Variants in PHACTR2 observed in about 807,000 individuals in gnomAD.
PHACTR2 encodes chromosome 6 open reading frame 56.
Under a neutral mutation model 76.0 loss-of-function variants are expected in PHACTR2, and 30 were observed. That is an observed-to-expected ratio of 0.39 (90% CI 0.30 to 0.54). The LOEUF (loss-of-function observed/expected upper bound fraction) is 0.54, where lower values mean the gene tolerates loss of function less well. Among genes scored for constraint, PHACTR2 ranks in the 20% least tolerant of loss-of-function variants. The pLI is 0.61. For missense variants in PHACTR2, 696 were observed against 781.1 expected, an observed-to-expected ratio of 0.89 and a Z score of 1.30; for synonymous variants, 292 against 292.5, an observed-to-expected ratio of 1.00 and a Z score of 0.02.
intron 2 of PHACTR2, among the ~76,000 whole-genome samples, chr6:143,728,065 T>C (rs368325493): frequency 1.3e-5 from 2 of 152,166 alleles, no homozygotes; most frequent in African/African-American, 4.8e-5. Context: ...TGATTTTATA[T>C]CTAGAAACTC....
At chr6:143,725,668 C>G (rs887052006) in intron 2 of PHACTR2, among the ~76,000 whole-genome samples, 1 of 151,590 alleles carries the variant, frequency 6.6e-6, no homozygotes, top group East Asian at 2.0e-4. Context: ...AACCCCGTCT[C>G]TACGAAAAAT....
At position 143,659,914 on chromosome 6, in the gene PHACTR2, G is replaced by A. The variant is rs948134172; in HGVS notation, c.13+51592G>A. ...ATTTTTAAACAAAAGACAAAGGCCA[G>A]TAACATTAAAAGAGAAGTTGAACAG... On this transcript the variant is annotated intron_variant, in intron 1 of 11. Transcript: ENST00000305766. The surrounding 1 kb of genome is among the most constrained non-coding windows in gnomAD (Gnocchi z 5.0). Among the ~76,000 whole-genome samples the A allele has an allele frequency of 2.6e-5, 4 of 152,130 alleles. No individual in the cohort carries two copies. Among genetic ancestry groups the A allele is most frequent in the African/African-American group, 9.7e-5 (4 of 41,418 alleles).
At position 143,709,844 on chromosome 6, in the gene PHACTR2, G is replaced by A. The variant is rs148896064; in HGVS notation, c.47-2172G>A. On this transcript the variant is annotated intron_variant, in intron 1 of 12. Coordinates refer to ENST00000440869, the MANE Select transcript of PHACTR2 (RefSeq NM_001100164.2). This position sits in a 1 kb window ranked among gnomAD's most constrained non-coding sequence, Gnocchi z 4.4. ...ATTGCTGGGTAGGGCTGGATGTCAC[G>A]GCTTCCTACATGGTCTCCACTGACA... Among the ~76,000 whole-genome samples, 355 of 152,182 alleles carry A rather than the reference G, an allele frequency of 2.3e-3. 2 individuals are homozygous for A. The highest frequency in any genetic ancestry group is 7.8e-3 in the African/African-American group (323 of 41,510).
At position 143,620,191 on chromosome 6, in the gene PHACTR2, T is replaced by C. The variant is rs180923191; in HGVS notation, c.13+11869T>C. ...CATACATTTAGAATAAAGCTCCAGC[T>C]TTAACTTCTAAATATCCTGGCTTAT... On this transcript the variant is annotated intron_variant, in intron 1 of 11. Coordinates refer to the PHACTR2 transcript ENST00000305766. Among the ~76,000 whole-genome samples, 1,009 of 151,932 alleles carry C rather than the reference T, an allele frequency of 6.6e-3. 13 individuals carry two copies. Among genetic ancestry groups the C allele is most frequent in the African/African-American group, 0.02 (851 of 41,528 alleles).
chr6:143,769,966 A>C (rs551018193), intron 6 of PHACTR2, among the ~76,000 whole-genome samples: 24 of 152,322 alleles, frequency 1.6e-4, no homozygotes, highest in Non-Finnish European at 3.1e-4. Flanking sequence ...AAAATTAAAC[A>C]TAGAATTACC....
chr6:143,766,830 G>T (rs537019046), intron 6 of PHACTR2, among the ~76,000 whole-genome samples: 128 of 152,278 alleles, frequency 8.4e-4, no homozygotes, highest in African/African-American at 3.0e-3. Context: ...TATTAGCCCT[G>T]TCTCACGAGT....
upstream of PHACTR2, among the ~76,000 whole-genome samples, chr6:143,604,463 A>G (rs1468419755): frequency 6.6e-6 from 1 of 152,156 alleles, no homozygotes; most frequent in Non-Finnish European, 1.5e-5. Context: ...CATAGAATCC[A>G]TCTGAACTGG....
At chr6:143,785,153 C>T (rs1775524998) in intron 10 of PHACTR2, among the ~76,000 whole-genome samples, 1 of 152,134 alleles carries the variant, frequency 6.6e-6, no homozygotes, top group South Asian at 2.1e-4. Context: ...CACCCATGAG[C>T]CTGTAAAATC....
chr6:143,648,376 A>T lies in PHACTR2; in HGVS notation c.13+40054A>T, dbSNP rs926477192. 6.6e-6 allele frequency among the ~76,000 whole-genome samples: 1 copy of T among 152,188 alleles called. No individual in the cohort carries two copies. Among genetic ancestry groups the T allele is most frequent in the African/African-American group, 2.4e-5 (1 of 41,434 alleles). On this transcript the variant is annotated intron_variant, in intron 1 of 11. Transcript: ENST00000305766. This position sits in a 1 kb window ranked among gnomAD's most constrained non-coding sequence, Gnocchi z 6.7. ...AAGCGTTCATCATAGTTCTAAATAG[A>T]TTCCTCAAAAGAATTAAATTCAAAG...
intron 12 of PHACTR2, among the ~76,000 whole-genome samples, chr6:143,814,901 CCATATAAGTATTTTTTAAAGCAAT>C: frequency 6.6e-6 from 1 of 152,006 alleles, no homozygotes; most frequent in African/African-American, 2.4e-5. Context: ...CGCCGCCGGC[CCATATAAGTATTTTTTAAAGCAAT>C]GATCTCATTC....
At position 143,821,133 on chromosome 6, in the gene PHACTR2, T is replaced by A. The variant is rs558503781; in HGVS notation, c.1923-2541T>A. 2.0e-5 allele frequency among the ~76,000 whole-genome samples: 3 copies of A among 152,358 alleles called. 1 individual carries two copies. Among genetic ancestry groups the A allele is most frequent in the African/African-American group, 7.2e-5 (3 of 41,590 alleles). ...GAAAAAGTGAAAGAGTGATGTTGCC[T>A]CTGTGTATCAAATGCAGGCATGGCG... is the stretch of plus-strand genomic sequence containing the variant. On this transcript the variant is annotated intron_variant, in intron 12 of 12. Coordinates refer to ENST00000440869, the MANE Select transcript of PHACTR2 (RefSeq NM_001100164.2). The surrounding 1 kb of genome is among the most constrained non-coding windows in gnomAD (Gnocchi z 5.2).
intron 1 of PHACTR2, among the ~76,000 whole-genome samples, chr6:143,576,245 A>AGAGATGCT (rs1326269677): frequency 2.0e-5 from 3 of 152,220 alleles, no homozygotes; most frequent in African/African-American, 7.2e-5. Flanking sequence ...ACAAACTGGA[A>AGAGATGCT]GAGATGCTGC....
rs1214309367 is a variant in PHACTR2, at chr6:143,768,854, A to G, written c.1232+3056A>G. On this transcript the variant is annotated intron_variant, in intron 6 of 12. Transcript: ENST00000440869. ...GCCATAGGGATTTTCTTCTCTGTAT[A>G]TTCTTCAAAATTTAAATTTCAGTTC... is the stretch of plus-strand genomic sequence containing the variant. 8.5e-5 allele frequency among the ~76,000 whole-genome samples: 13 copies of G among 152,308 alleles called. 1 individual carries two copies. The South Asian group carries it at 2.3e-3, about 27-fold the overall frequency.
rs1301706429 is a variant in PHACTR2 at position 143,765,831 on chromosome 6, G to A, written c.1232+33G>A. 6.5e-7 allele frequency: 1 copy of A among 1,528,716 alleles called. No homozygotes were observed. The highest frequency in any genetic ancestry group is 9.0e-7 in the Non-Finnish European group (1 of 1,116,174). The allele number at this position is 1,528,716 out of a possible 1,614,324, so 94.7% of individuals were successfully genotyped here. A position where few individuals can be genotyped will look rare whatever the true frequency, so the allele number is the denominator to read the frequency against. On this transcript the variant is annotated intron_variant, in intron 6 of 12. Transcript: ENST00000440869. The surrounding 1 kb of genome is among the most constrained non-coding windows in gnomAD (Gnocchi z 4.1). The stretch of plus-strand genomic sequence containing the variant: ...GGGGAACAAACCCCCTATTTTATCT[G>A]AGAACTAAAGATCACTAATATATTC...
At chr6:143,808,821 C>T (rs1776116990) in intron 12 of PHACTR2, among the ~76,000 whole-genome samples, 1 of 152,178 alleles carries the variant, frequency 6.6e-6, no homozygotes, top group South Asian at 2.1e-4. Flanking sequence ...ATAATCTACT[C>T]TGAGACCAAC....
rs533966369 is a variant in PHACTR2 at position 143,728,882 on chromosome 6, AC to A, written c.214+16700del. On this transcript the variant is annotated intron_variant, in intron 2 of 12. Coordinates refer to ENST00000440869, the MANE Select transcript of PHACTR2 (RefSeq NM_001100164.2). ...ACAGAAGACCTAAAACTATGAAACT[AC>A]TAGAAGAAAACATAGGAGAAACACT... Among the ~76,000 whole-genome samples, 795 of 152,322 alleles carry A rather than the reference AC, an allele frequency of 5.2e-3. 6 individuals are homozygous for A. The highest frequency in any genetic ancestry group is 0.018 in the African/African-American group (758 of 41,572).
chr6:143,604,156 A>C (rs1233297104), upstream of PHACTR2, among the ~76,000 whole-genome samples: 1 of 152,058 alleles, frequency 6.6e-6, no homozygotes, highest in Non-Finnish European at 1.5e-5. Context: ...TATGTTCCAA[A>C]ATGAATAGGG....
Position 143,577,801 on chromosome 6 carries a change from C to T in PHACTR2, c.217+40594C>T, listed in dbSNP as rs564552893. ...AAAAAAAAGTGAGAGAGGAGAGATG[C>T]AAGGAGAGCCTAGAAGCACCTGTTT... On this transcript the variant is annotated intron_variant, in intron 1 of 11. Transcript: ENST00000367584. 1.5e-3 allele frequency among the ~76,000 whole-genome samples: 229 copies of T among 151,444 alleles called. 1 individual carries two copies. The highest frequency in any genetic ancestry group is 2.1e-3 in the Non-Finnish European group (141 of 67,902).
intron 1 of PHACTR2, among the ~76,000 whole-genome samples, chr6:143,703,774 T>C (rs1260791449): frequency 6.6e-6 from 1 of 152,180 alleles, no homozygotes; most frequent in African/African-American, 2.4e-5. Context: ...AGATCTTTTC[T>C]AACTCTAAAA....
Sources: gnomAD v4.1 joint callset for allele counts (sites outside exome capture counted in the v4.1 genomes callset) on GRCh38, gnomAD v4.1.1 for gene constraint, Gnocchi (gnomAD v3.1) non-coding constraint, MANE v1.5 for transcripts, NCBI Gene and HGNC (gene_info 2026-07-23, HGNC 2026-07-21) for gene names.